ARSG: variants seen among roughly 807,000 people sequenced by gnomAD.
ARSG encodes the protein arylsulfatase G, also known as ASG.
Under a neutral mutation model 50.5 loss-of-function variants are expected in ARSG, and 37 were observed. The observed-to-expected ratio is 0.73, with a 90% CI of 0.56 to 0.96. The LOEUF (loss-of-function observed/expected upper bound fraction) is 0.96. ARSG is among the 50% of genes least tolerant of loss of function. ARSG has a pLI of 0.00. For synonymous variants in ARSG, 225 were observed against 254.6 expected, an observed-to-expected ratio of 0.88 and a Z score of 1.11; for missense variants, 629 against 675.3, an observed-to-expected ratio of 0.93 and a Z score of 0.76.
At chr17:68,320,214 T>G (rs1365403254) in intron 2 of ARSG, among the ~76,000 whole-genome samples, 1 of 151,498 alleles carries the variant, frequency 6.6e-6, no homozygotes, top group Non-Finnish European at 1.5e-5. Context: ...GCTTAGAACC[T>G]GGGAGTTGGA....
At chr17:68,410,163 A>T (rs1264720909) in intron 11 of ARSG, among the ~76,000 whole-genome samples, 2 of 118,528 alleles carry the variant, frequency 1.7e-5, no homozygotes, top group African/African-American at 6.8e-5. Context: ...CACTATGTTG[A>T]ATAGGAGTGG....
intron 1 of ARSG, among the ~76,000 whole-genome samples, chr17:68,302,562 T>A (rs1555762316): frequency 6.6e-6 from 1 of 152,160 alleles, no homozygotes; most frequent in African/African-American, 2.4e-5. Context: ...TTCCATTCGC[T>A]TCTCAGTGCT....
At position 68,420,568 on chromosome 17, in the gene ARSG, T is replaced by C; in HGVS notation, c.*105T>C. 2 of 1,357,280 alleles carry C rather than the reference T, an allele frequency of 1.5e-6. No homozygotes were observed. The highest frequency in any genetic ancestry group is 1.3e-5 in the South Asian group (1 of 74,630). The allele number at this position is 1,357,280 out of a possible 1,614,324, so 84.1% of individuals were successfully genotyped here. A position where few individuals can be genotyped will look rare whatever the true frequency, so the allele number is the denominator to read the frequency against. The stretch of plus-strand genomic sequence containing the variant: ...ACAAACACACGCTTTAGTTTAGTCT[T>C]GGAGTTTAGTTTTGGAGTTAGCCTT... On this transcript the variant is annotated 3_prime_UTR_variant, in exon 12 of 12. Transcript: ENST00000621439.
intron 2 of ARSG, among the ~76,000 whole-genome samples, chr17:68,334,446 A>ACT (rs2077922055): frequency 6.6e-6 from 1 of 152,126 alleles, no homozygotes; most frequent in Non-Finnish European, 1.5e-5. Context: ...TTCATAGTGA[A>ACT]CCAAACCTTA....
At chr17:68,351,044 A>G (rs1164539199) in intron 4 of ARSG, among the ~76,000 whole-genome samples, 13 of 152,032 alleles carry the variant, frequency 8.6e-5, no homozygotes, top group Non-Finnish European at 8.8e-5. Flanking sequence ...CACCATCTCT[A>G]TCGGGGGTAA....
chr17:68,415,366 C>T (rs561398194), intron 11 of ARSG, among the ~76,000 whole-genome samples: 1 of 152,108 alleles, frequency 6.6e-6, no homozygotes, highest in South Asian at 2.1e-4. Context: ...AGTTTTATTC[C>T]ACTGTGGTCT....
Position 68,271,600 on chromosome 17 carries a change from C to T in ARSG, c.-552+12174C>T, listed in dbSNP as rs1555748836. 1 of 1,614,030 alleles carries T rather than the reference C, an allele frequency of 6.2e-7. No homozygotes were observed. Among genetic ancestry groups the T allele is most frequent in the Admixed American group, 1.7e-5 (1 of 60,014 alleles). Reference sequence around the variant, plus strand: ...GATGACAATGTTTAACTGTAGTAGGCCCACGAAGAGGAGGCTGTATCTCCA... The same window carrying T: ...GATGACAATGTTTAACTGTAGTAGGTCCACGAAGAGGAGGCTGTATCTCCA... On this transcript the variant is annotated intron_variant, in intron 1 of 11. Coordinates refer to the ARSG transcript ENST00000448504. The surrounding 1 kb of genome is among the most constrained non-coding windows in gnomAD (Gnocchi z 5.3).
intron 9 of ARSG, among the ~76,000 whole-genome samples, chr17:68,387,519 C>T (rs571835135): frequency 6.6e-6 from 1 of 152,298 alleles, no homozygotes; most frequent in African/African-American, 2.4e-5. Flanking sequence ...CCATATGAAT[C>T]CATGTTAAGC....
chr17:68,297,717 T>G (rs2076257456), intron 1 of ARSG, among the ~76,000 whole-genome samples: 1 of 152,256 alleles, frequency 6.6e-6, no homozygotes, highest in Non-Finnish European at 1.5e-5. Context: ...TCCTCCTGTC[T>G]CGGCATCCCA....
chr17:68,436,979 G>A, the ARSG span, among the ~76,000 whole-genome samples: 6 of 140,416 alleles, frequency 4.3e-5, no homozygotes, highest in African/African-American at 1.4e-4. Flanking sequence ...GGGCTACAGA[G>A]TGAGACCCCG....
In ARSG at chr17:68,415,667, G is replaced by A. The variant is rs892567633; in HGVS notation, c.1304-4522G>A. On this transcript the variant is annotated intron_variant, in intron 11 of 11. Transcript: ENST00000621439. ...TGTTGCCGTCTATCTCATTTCTTAC[G>A]TTATTAGTAATTATTTTATAAATTT... Among the ~76,000 whole-genome samples the A allele has an allele frequency of 5.3e-5, 8 of 152,170 alleles. No individual in the cohort carries two copies. The East Asian group carries it at 5.8e-4, about 11-fold the overall frequency.
chr17:68,429,054 T>C, the ARSG span: 2 of 726,292 alleles, frequency 2.8e-6, no homozygotes, highest in East Asian at 5.5e-5. Flanking sequence ...GACAAACCCT[T>C]AGCCCACTGA....
At chr17:68,380,971 C>G (rs996772307) in intron 8 of ARSG, among the ~76,000 whole-genome samples, 1 of 152,114 alleles carries the variant, frequency 6.6e-6, no homozygotes, top group Non-Finnish European at 1.5e-5. Flanking sequence ...TTTCAAACCA[C>G]TGACATCAGA....
Position 68,347,113 on chromosome 17 carries a change from G to A in ARSG, c.407-12G>A. 1 of 1,613,854 alleles carries A rather than the reference G, an allele frequency of 6.2e-7. No homozygotes were observed. The highest frequency in any genetic ancestry group is 8.5e-7 in the Non-Finnish European group (1 of 1,179,822). ...GGATTCCTCTGAAAATCTCTCTTAT[G>A]TTTTTCTACAGGCAAATGGCATCTT... On this transcript the variant is annotated splice_polypyrimidine_tract_variant and intron_variant, in intron 3 of 11. Transcript: ENST00000621439.
chr17:68,427,773 GGACATGC>G, the ARSG span, among the ~76,000 whole-genome samples: 19 of 152,334 alleles, frequency 1.2e-4, no homozygotes, highest in East Asian at 3.5e-3. Flanking sequence ...ACACAGGTGA[GGACATGC>G]TAGCAAGGAG....
rs151190635 is a variant in ARSG at position 68,311,848 on chromosome 17, T to C, written c.218+4137T>C. 1.2e-4 allele frequency among the ~76,000 whole-genome samples: 18 copies of C among 151,160 alleles called. No individual in the cohort carries two copies. The East Asian group carries it at 3.5e-3, about 29-fold the overall frequency. The stretch of plus-strand genomic sequence containing the variant: ...CGGAGTCTTGCTCTGTCGCCCAGGT[T>C]GGAGTGCAGTAGTGCGATCTTGGCT... On this transcript the variant is annotated intron_variant, in intron 2 of 11. Coordinates refer to ENST00000621439, the MANE Select transcript of ARSG (RefSeq NM_001267727.2).
At chr17:68,265,175 A>G (rs1331684672) in intron 1 of ARSG, among the ~76,000 whole-genome samples, 2 of 151,438 alleles carry the variant, frequency 1.3e-5, no homozygotes, top group African/African-American at 4.8e-5. Flanking sequence ...AAAAAAAAGA[A>G]AAAAGAAAAC....
chr17:68,403,908 T>C (rs914053541), intron 11 of ARSG, among the ~76,000 whole-genome samples: 4 of 152,062 alleles, frequency 2.6e-5, no homozygotes. Flanking sequence ...CCTTCCTGTG[T>C]CCATGTGTTC....
intron 6 of ARSG, 76 bp downstream of exon 6, chr17:68,356,880 C>CCTG: frequency 6.3e-7 from 1 of 1,580,472 alleles, no homozygotes; most frequent in Admixed American, 1.7e-5. Flanking sequence ...GTCCCTTGGC[C>CCTG]TCAGCACGCT....
Sources: allele counts gnomAD v4.1 joint callset (sites outside exome capture counted in the v4.1 genomes callset), GRCh38; gene constraint gnomAD v4.1.1; non-coding constraint Gnocchi (gnomAD v3.1); transcripts MANE v1.5; gene names NCBI Gene and HGNC (gene_info 2026-07-23, HGNC 2026-07-21).